DCT: variants seen among roughly 807,000 people sequenced by gnomAD.
The protein encoded by DCT is L-dopachrome tautomerase.
Under a neutral mutation model 53.0 loss-of-function variants are expected in DCT, and 47 were observed. The observed-to-expected ratio is 0.89, with a 90% CI of 0.70 to 1.13. The LOEUF is 1.13. Among genes scored for constraint, DCT ranks in the 50% most tolerant of loss-of-function variants. The pLI is 0.00. For missense variants in DCT, 669 were observed against 637.4 expected (o/e 1.05, Z -0.53); for synonymous variants, 244 against 237.0 (o/e 1.03, Z -0.27).
At chr13:94,518,234 TA>T in the DCT span, among the ~76,000 whole-genome samples, 1 of 150,694 alleles carries the variant, frequency 6.6e-6, no homozygotes, top group Non-Finnish European at 1.5e-5. Context: ...TAAGTGTTGT[TA>T]AAAAAAAACA....
chr13:94,498,151 A>C, the DCT span, among the ~76,000 whole-genome samples: 3 of 152,162 alleles, frequency 2.0e-5, no homozygotes, highest in Admixed American at 6.5e-5. Context: ...GTGTGTCAAG[A>C]ATTGCATGTG....
At chr13:94,455,508 T>G (rs1381008730) in intron 6 of DCT, among the ~76,000 whole-genome samples, 4 of 152,084 alleles carry the variant, frequency 2.6e-5, no homozygotes, top group Admixed American at 1.3e-4. Context: ...AAATAGAGCC[T>G]ACAACCTGTT....
chr13:94,453,557 A>AAAGCT (rs1422535649), intron 6 of DCT, among the ~76,000 whole-genome samples: 2 of 152,112 alleles, frequency 1.3e-5, no homozygotes, highest in African/African-American at 2.4e-5. Context: ...TGGGAAGAAA[A>AAAGCT]AAGCAATGCC....
intron 3 of DCT, among the ~76,000 whole-genome samples, 172 bp from the exon 4 acceptor site, chr13:94,465,971 TATATATATA>T (rs1884174387): frequency 7.7e-4 from 2 of 2,590 alleles, no homozygotes; most frequent in East Asian, 0.011. Flanking sequence ...GTATATTTTA[TATATATATA>T]TATATATATA....
the DCT span, among the ~76,000 whole-genome samples, chr13:94,538,264 T>A: frequency 6.6e-6 from 1 of 152,208 alleles, no homozygotes. Context: ...TGGATTATCT[T>A]ATTTAATTCT....
chr13:94,470,823 C>T (rs993959719), intron 1 of DCT, among the ~76,000 whole-genome samples: 1 of 152,212 alleles, frequency 6.6e-6, no homozygotes, highest in Non-Finnish European at 1.5e-5. Context: ...CATACATCCC[C>T]TTTCTTCACA....
chr13:94,519,523 G>T, the DCT span, among the ~76,000 whole-genome samples: 1 of 150,910 alleles, frequency 6.6e-6, no homozygotes, highest in South Asian at 2.1e-4. Flanking sequence ...ATATTGAGAT[G>T]AGTACCTAAG....
At chr13:94,549,370 C>G in the DCT span, among the ~76,000 whole-genome samples, 11 of 152,186 alleles carry the variant, frequency 7.2e-5, no homozygotes, top group African/African-American at 1.7e-4. Context: ...CACCGCGGCC[C>G]GGGTCGTTCG....
At chr13:94,475,066 T>C (rs940547099) in intron 1 of DCT, among the ~76,000 whole-genome samples, 6 of 152,118 alleles carry the variant, frequency 3.9e-5, no homozygotes, top group African/African-American at 1.2e-4. Flanking sequence ...AGGCTCAGGA[T>C]CAGGTTTCAA....
rs369385934 is a variant in DCT, at chr13:94,469,135, GAGA to G, written c.296-93_296-91del. 9.8e-4 allele frequency: 1,124 copies of G among 1,148,110 alleles called. 10 individuals carry two copies. In the African/African-American group the frequency reaches 0.013, roughly 13 times the overall value. The allele number at this position is 1,148,110 out of a possible 1,614,324, so 71.1% of individuals were successfully genotyped here. On this transcript the variant is annotated intron_variant, in intron 1 of 7. Transcript: ENST00000377028. ...TTTGTACTCTGAAATTTGAATGGAA[GAGA>G]AGATGAAGGTGCTTACACAAAGGCA...
At chr13:94,443,707 T>A in intron 6 of DCT, 70 bp from the exon 7 acceptor site, 1 of 1,270,468 alleles carries the variant, frequency 7.9e-7, no homozygotes, top group Non-Finnish European at 1.1e-6. Context: ...TGACTGTTGC[T>A]TTCTCTAAAG....
Position 94,439,820 on chromosome 13 carries a change from G to T in DCT, c.*78C>A. Reference sequence around the variant, plus strand: ...AAGATCTTCAACTCAAGAAGGAACAGTGAGGATTAGTTCCTTTATTGTCAG... The same window carrying T: ...AAGATCTTCAACTCAAGAAGGAACATTGAGGATTAGTTCCTTTATTGTCAG... On this transcript the variant is annotated 3_prime_UTR_variant, in exon 8 of 8. Coordinates refer to ENST00000377028, the MANE Select transcript of DCT (RefSeq NM_001922.5). The T allele has an allele frequency of 9.4e-7, 1 of 1,059,320 alleles. No homozygotes were observed. The allele number at this position is 1,059,320 out of a possible 1,614,324, so 65.6% of individuals were successfully genotyped here. A position where few individuals can be genotyped will look rare whatever the true frequency, so the allele number is the denominator to read the frequency against.
At chr13:94,450,120 A>T (rs1051970599) in intron 6 of DCT, among the ~76,000 whole-genome samples, 10 of 152,246 alleles carry the variant, frequency 6.6e-5, no homozygotes, top group African/African-American at 2.4e-4. Context: ...CCTCCCTTTC[A>T]GCTACGTGAG....
the DCT span, among the ~76,000 whole-genome samples, chr13:94,518,122 G>C: frequency 8.5e-6 from 1 of 118,186 alleles, no homozygotes; most frequent in South Asian, 3.0e-4. Flanking sequence ...AGGAAGGAAG[G>C]AAGGAAGGAA....
chr13:94,545,267 T>C, the DCT span, among the ~76,000 whole-genome samples: 13 of 152,014 alleles, frequency 8.6e-5, no homozygotes, highest in Non-Finnish European at 1.5e-5. Context: ...AAGATCCAAA[T>C]GGGCCATGGT....
At chr13:94,461,540 T>G (rs751614196) in intron 5 of DCT, among the ~76,000 whole-genome samples, 20 of 152,310 alleles carry the variant, frequency 1.3e-4, no homozygotes, top group Non-Finnish European at 2.5e-4. Context: ...TCTTTAAATG[T>G]TAAGTATTGT....
At chr13:94,441,781 T>A (rs1257283340) in intron 7 of DCT, among the ~76,000 whole-genome samples, 1 of 152,248 alleles carries the variant, frequency 6.6e-6, no homozygotes, top group African/African-American at 2.4e-5. Flanking sequence ...ACCTTTTGGC[T>A]ATTGTAAGTA....
chr13:94,514,018 T>G, the DCT span, among the ~76,000 whole-genome samples: 1 of 130,308 alleles, frequency 7.7e-6, no homozygotes, highest in Non-Finnish European at 1.6e-5. Context: ...AAAAGATAGA[T>G]ACCTATCTCT....
chr13:94,441,766 C>T (rs533425946), intron 7 of DCT, among the ~76,000 whole-genome samples: 1 of 152,200 alleles, frequency 6.6e-6, no homozygotes, highest in South Asian at 2.1e-4. Flanking sequence ...ACTTGGTTTG[C>T]ATCTACCTTT....
Sources: gnomAD v4.1 joint callset for allele counts (sites outside exome capture counted in the v4.1 genomes callset) on GRCh38, gnomAD v4.1.1 for gene constraint, MANE v1.5 for transcripts, NCBI Gene and HGNC (gene_info 2026-07-23, HGNC 2026-07-21) for gene names.